Variants in LPP observed in about 807,000 individuals in gnomAD.
The protein encoded by LPP is LIM domain containing preferred translocation partner in lipoma, also known as lipoma-preferred partner.
A neutral mutation model predicts 60.4 loss-of-function variants in LPP; 38 were observed. The ratio of observed to expected loss-of-function variants is 0.63; its 90% CI spans 0.49 to 0.83. The LOEUF (loss-of-function observed/expected upper bound fraction) is 0.83, where lower values mean the gene tolerates loss of function less well. LPP is among the 40% of genes least tolerant of loss of function. The pLI, the probability that LPP is intolerant of heterozygous loss-of-function variation, is 0.00. For synonymous variants in LPP, 328 were observed against 290.8 expected (o/e 1.13, Z -1.30); for missense variants, 902 against 783.6 (o/e 1.15, Z -1.80).
At position 188,154,180 on chromosome 3, in the gene LPP, C is replaced by CA; in HGVS notation, c.-262_-261insA. ...GCACCTCCTCCTCTGCCTCTGCCTC[C>CA]GCCTCCAGCCGCCGCCGCCGCCGCC... is the stretch of plus-strand genomic sequence containing the variant. On this transcript the variant is annotated 5_prime_UTR_variant, in exon 1 of 12. Transcript: ENST00000617246. 4.6e-6 allele frequency: 1 copy of CA among 215,924 alleles called. No individual in the cohort carries two copies. 13.4% of individuals were successfully genotyped at this position (215,924 alleles called of 1,614,324 possible). A position where few individuals can be genotyped will look rare whatever the true frequency, so the allele number is the denominator to read the frequency against.
Position 188,609,669 on chromosome 3 carries a change from C to T in LPP, c.938C>T (p.Ser313Phe), listed in dbSNP as rs771843144. ...CCAGGCTATGGGGGCAGAAATGACTCTGACCCTACCTATGGTCAACAAGGT... is the reference window on the plus strand; with the variant it reads ...CCAGGCTATGGGGGCAGAAATGACTTTGACCCTACCTATGGTCAACAAGGT... ...AGPGYGGRND[S>F]DPTYGQQGHP... The change falls in exon 7 of 12, where the codon TCT becomes TTT. Residue 313 changes from serine to phenylalanine, a missense_variant. By Grantham distance (155) the Ser-to-Phe change is radical. Transcript: ENST00000617246. This position sits in a 1 kb window ranked among gnomAD's most constrained non-coding sequence, Gnocchi z 6.9. 1 of 1,614,148 alleles carries T rather than the reference C, an allele frequency of 6.2e-7. No homozygotes were observed. Among genetic ancestry groups the T allele is most frequent in the Admixed American group, 1.7e-5 (1 of 60,010 alleles).
chr3:188,450,080 G>A (rs1347795546), intron 4 of LPP, among the ~76,000 whole-genome samples: 1 of 152,180 alleles, frequency 6.6e-6, no homozygotes, highest in African/African-American at 2.4e-5. Flanking sequence ...TGGGATTACA[G>A]GTGTGAGCCA....
At chr3:188,203,196 AT>A (rs1247706984) in intron 1 of LPP, among the ~76,000 whole-genome samples, 2 of 132,120 alleles carry the variant, frequency 1.5e-5, no homozygotes, top group Admixed American at 1.7e-4. Flanking sequence ...ATTATATATT[AT>A]ATATATTAAA....
At chr3:188,764,816 T>C (rs1410734816) in intron 9 of LPP, among the ~76,000 whole-genome samples, 1 of 152,184 alleles carries the variant, frequency 6.6e-6, no homozygotes, top group Non-Finnish European at 1.5e-5. Context: ...TTATTCCCAG[T>C]GGATGGACTC....
intron 7 of LPP, among the ~76,000 whole-genome samples, chr3:188,620,794 A>G (rs1845665859): frequency 6.6e-6 from 1 of 152,186 alleles, no homozygotes; most frequent in African/African-American, 2.4e-5. Context: ...TTTTCTCTGC[A>G]ACCTCCCACC....
At chr3:188,162,180 C>T (rs559743025) in intron 1 of LPP, among the ~76,000 whole-genome samples, 1 of 152,250 alleles carries the variant, frequency 6.6e-6, no homozygotes, top group South Asian at 2.1e-4. Flanking sequence ...GTAGCAAATA[C>T]ATTTTATAAT....
chr3:188,808,942 C>G (rs1424747332), intron 9 of LPP, among the ~76,000 whole-genome samples: 1 of 152,184 alleles, frequency 6.6e-6, no homozygotes, highest in Non-Finnish European at 1.5e-5. Context: ...GTTTGGTTTT[C>G]TGTTCCTGTG....
At chr3:188,715,142 G>C (rs892667941) in intron 8 of LPP, among the ~76,000 whole-genome samples, 1 of 152,070 alleles carries the variant, frequency 6.6e-6, no homozygotes, top group Non-Finnish European at 1.5e-5. Flanking sequence ...CACTTTGGGA[G>C]GCTGAGGTGG....
intron 3 of LPP, among the ~76,000 whole-genome samples, chr3:188,405,592 G>A (rs1379556593): frequency 6.6e-6 from 1 of 152,022 alleles, no homozygotes; most frequent in Non-Finnish European, 1.5e-5. Flanking sequence ...CCACCAAGAA[G>A]TGAGCCTATC....
intron 9 of LPP, among the ~76,000 whole-genome samples, chr3:188,776,584 A>G (rs143531855): frequency 4.5e-4 from 68 of 152,348 alleles, no homozygotes; most frequent in African/African-American, 1.6e-3. Flanking sequence ...AATTCAATAC[A>G]AAGGCCAAAA....
At chr3:188,310,133 C>T (rs150573152) in intron 2 of LPP, among the ~76,000 whole-genome samples, 346 of 152,012 alleles carry the variant, frequency 2.3e-3, no homozygotes, top group Non-Finnish European at 3.8e-3. Flanking sequence ...GCTTTAAGAT[C>T]TCTTTAAGTC....
intron 2 of LPP, among the ~76,000 whole-genome samples, chr3:188,288,278 A>G (rs1204905154): frequency 6.6e-6 from 1 of 152,214 alleles, no homozygotes; most frequent in Admixed American, 6.5e-5. Context: ...GCTCAGACAA[A>G]AAGTTGCTCT....
chr3:188,532,104 G>A (rs1822336545), intron 6 of LPP, among the ~76,000 whole-genome samples: 1 of 152,116 alleles, frequency 6.6e-6, no homozygotes, highest in East Asian at 1.9e-4. Context: ...CTCACATTTA[G>A]TGCCAGAAGT....
At chr3:188,196,552 C>G (rs1729601019) in intron 1 of LPP, among the ~76,000 whole-genome samples, 1 of 152,214 alleles carries the variant, frequency 6.6e-6, no homozygotes, top group Non-Finnish European at 1.5e-5. Context: ...AGTGCTTCAG[C>G]AGTCTCAGCT....
intron 1 of LPP, among the ~76,000 whole-genome samples, chr3:188,213,787 G>T (rs1037841674): frequency 2.0e-5 from 3 of 152,054 alleles, no homozygotes; most frequent in African/African-American, 7.2e-5. Context: ...CCAAAAGGCA[G>T]AATGAATAGT....
chr3:188,411,992 TCTC>T (rs1785017727), intron 4 of LPP, among the ~76,000 whole-genome samples: 1 of 151,892 alleles, frequency 6.6e-6, no homozygotes. Flanking sequence ...TCTCTCTCTC[TCTC>T]TCTAATTTGG....
chr3:188,414,224 A>G (rs894685488), intron 4 of LPP, among the ~76,000 whole-genome samples: 1 of 152,130 alleles, frequency 6.6e-6, no homozygotes, highest in East Asian at 1.9e-4. Context: ...AACTATTCAA[A>G]ATTATAAAAA....
intron 4 of LPP, among the ~76,000 whole-genome samples, chr3:188,458,001 A>G (rs745812839): frequency 2.6e-5 from 4 of 152,194 alleles, no homozygotes; most frequent in African/African-American, 4.8e-5. Flanking sequence ...GTATTAAACT[A>G]TGAGCTGATA....
intron 9 of LPP, among the ~76,000 whole-genome samples, chr3:188,779,119 A>T (rs958311903): frequency 1.3e-5 from 2 of 152,066 alleles, no homozygotes; most frequent in African/African-American, 4.8e-5. Context: ...ATGACAACTT[A>T]AAAGAAAAAA....
Sources: gnomAD v4.1 joint callset for allele counts (sites outside exome capture counted in the v4.1 genomes callset) on GRCh38, gnomAD v4.1.1 for gene constraint, Gnocchi (gnomAD v3.1) non-coding constraint, MANE v1.5 for transcripts, NCBI Gene and HGNC (gene_info 2026-07-23, HGNC 2026-07-21) for gene names.